The following RERE variants were observed in gnomAD, a reference collection of about 807,000 sequenced individuals.
RERE encodes the protein arginine-glutamic acid dipeptide repeats protein.
RERE carries 40 observed loss-of-function variants against 146.1 expected under a neutral mutation model. The ratio of observed to expected loss-of-function variants is 0.27; its 90% CI spans 0.21 to 0.36. The LOEUF (loss-of-function observed/expected upper bound fraction) is 0.36, where lower values mean the gene tolerates loss of function less well. Ranked by LOEUF, RERE falls within the 10% of genes least tolerant of loss-of-function variation. The pLI, the probability that RERE is intolerant of heterozygous loss-of-function variation, is 1.00. For missense variants in RERE, 1,933 were observed against 2,138.7 expected, an observed-to-expected ratio of 0.90 and a Z score of 1.90; for synonymous variants, 1,003 against 866.0, an observed-to-expected ratio of 1.16 and a Z score of -2.78.
intron 7 of RERE, among the ~76,000 whole-genome samples, chr1:8,537,782 A>G (rs369954383): frequency 6.6e-6 from 1 of 152,222 alleles, no homozygotes; most frequent in East Asian, 1.9e-4. Flanking sequence ...TATTAGTTCA[A>G]TAAGTGGTAA....
chr1:8,376,001 T>C (rs1642233577), intron 12 of RERE, among the ~76,000 whole-genome samples: 1 of 152,256 alleles, frequency 6.6e-6, no homozygotes, highest in Admixed American at 6.5e-5. Flanking sequence ...AAACCTTCAT[T>C]TTCCCTGCTT....
intron 1 of RERE, among the ~76,000 whole-genome samples, chr1:8,692,530 G>C (rs1033303782): frequency 6.6e-6 from 1 of 151,846 alleles, no homozygotes; most frequent in Non-Finnish European, 1.5e-5. Flanking sequence ...TGTATTTTTA[G>C]TAGAGACAGG....
chr1:8,361,620 C>A, intron 17 of RERE, 130 bp from the exon 18 acceptor site: 1 of 1,380,836 alleles, frequency 7.2e-7, no homozygotes, highest in South Asian at 1.2e-5. Flanking sequence ...GACCACAGGT[C>A]GTGCCCTGAC....
intron 4 of RERE, among the ~76,000 whole-genome samples, chr1:8,563,750 C>T (rs146210107): frequency 1.5e-3 from 225 of 152,278 alleles, no homozygotes; most frequent in African/African-American, 5.1e-3. Context: ...GCCAATATAG[C>T]CAACCAAGTT....
intron 1 of RERE, chr1:8,702,943 G>C (rs1230840055): frequency 6.6e-6 from 1 of 152,168 alleles, no homozygotes. Flanking sequence ...CATCTTTCTA[G>C]GGTCGGCTGG....
At chr1:8,357,491 C>T (rs922405509) in intron 20 of RERE, among the ~76,000 whole-genome samples, 1 of 152,192 alleles carries the variant, frequency 6.6e-6, no homozygotes, top group Non-Finnish European at 1.5e-5. Flanking sequence ...TGAGGAAGCC[C>T]TGCACGTAGG....
intron 2 of RERE, among the ~76,000 whole-genome samples, chr1:8,650,491 G>A (rs960732174): frequency 2.0e-5 from 3 of 152,146 alleles, no homozygotes; most frequent in East Asian, 1.9e-4. Flanking sequence ...ACTTGGAAGC[G>A]GTGGTTCACG....
chr1:8,620,114 G>C (rs1371786515), intron 3 of RERE, among the ~76,000 whole-genome samples: 2 of 152,316 alleles, frequency 1.3e-5, no homozygotes, highest in East Asian at 3.9e-4. Flanking sequence ...CTAAAAGTAA[G>C]TAAGTCACAT....
intron 2 of RERE, among the ~76,000 whole-genome samples, chr1:8,650,829 G>A (rs1043002412): frequency 6.0e-5 from 9 of 149,616 alleles, no homozygotes; most frequent in Non-Finnish European, 1.3e-4. Context: ...CCCAGGAGGC[G>A]GAGGTTGCAG....
intron 1 of RERE, among the ~76,000 whole-genome samples, chr1:8,714,642 T>A (rs1453664633): frequency 6.6e-6 from 1 of 152,134 alleles, no homozygotes; most frequent in Non-Finnish European, 1.5e-5. Context: ...GAAGTCTTCT[T>A]CCAACAACTC....
intron 1 of RERE, among the ~76,000 whole-genome samples, chr1:8,797,463 T>C (rs565686205): frequency 6.6e-6 from 1 of 152,246 alleles, no homozygotes; most frequent in African/African-American, 2.4e-5. Context: ...TTAGTCATCT[T>C]AGCGTAAACA....
intron 4 of RERE, among the ~76,000 whole-genome samples, chr1:8,589,500 C>T (rs1190450520): frequency 7.2e-5 from 11 of 152,134 alleles, no homozygotes; most frequent in South Asian, 4.1e-4. Flanking sequence ...AATCAGCTTG[C>T]TAAATTCCAA....
chr1:8,355,578 A>AGGT lies in RERE; in HGVS notation c.4505_4507dup (p.Asp1502_Leu1503insHis), dbSNP rs772313364. Reference sequence around the variant, plus strand: ...CATGGGGGGTGGGATGGCCCCAGGCAGGTCACGGGGGTAGGGGGTGCCTGC... The same window carrying AGGT: ...CATGGGGGGTGGGATGGCCCCAGGCAGGTGGTCACGGGGGTAGGGGGTGCCTGC... On this transcript the variant is annotated inframe_insertion, in exon 22 of 23. Transcript: ENST00000400908. The AGGT allele has an allele frequency of 7.6e-6, 12 of 1,589,014 alleles. No individual in the cohort carries two copies. The African/African-American group carries it at 1.5e-4, about 20-fold the overall frequency.
intron 11 of RERE, among the ~76,000 whole-genome samples, chr1:8,463,491 G>A (rs74049645): frequency 0.028 from 4,243 of 152,264 alleles, 173 homozygotes; most frequent in African/African-American, 0.096. Context: ...AAATCCTCAA[G>A]CAGCAGCAAT....
intron 4 of RERE, among the ~76,000 whole-genome samples, chr1:8,576,405 G>GT (rs1646295194): frequency 6.6e-6 from 1 of 152,318 alleles, no homozygotes; most frequent in Admixed American, 6.5e-5. Flanking sequence ...AAAGTTACAT[G>GT]TAACTGTAAG....
intron 1 of RERE, among the ~76,000 whole-genome samples, chr1:8,754,329 G>GTAA (rs1469637710): frequency 1.3e-5 from 2 of 151,902 alleles, no homozygotes; most frequent in Non-Finnish European, 1.5e-5. Flanking sequence ...ATTCATTACA[G>GTAA]TTACATTAGA....
intron 1 of RERE, among the ~76,000 whole-genome samples, chr1:8,802,379 T>G (rs555536009): frequency 4.7e-4 from 71 of 152,358 alleles, no homozygotes; most frequent in African/African-American, 1.7e-3. Flanking sequence ...AAAAGAGATC[T>G]TTTTTAAAAA....
chr1:8,465,030 T>C (rs978736127), intron 11 of RERE: 3 of 152,236 alleles, frequency 2.0e-5, no homozygotes, highest in African/African-American at 4.8e-5. Flanking sequence ...TTGCAATCAA[T>C]AGGTGTATTA....
At chr1:8,589,859 C>T (rs1174559722) in intron 4 of RERE, among the ~76,000 whole-genome samples, 1 of 152,222 alleles carries the variant, frequency 6.6e-6, no homozygotes, top group Non-Finnish European at 1.5e-5. Context: ...GTTCCGACCA[C>T]GAATCGAATT....
Sources: gnomAD v4.1 joint callset for allele counts (sites outside exome capture counted in the v4.1 genomes callset) on GRCh38, gnomAD v4.1.1 for gene constraint, MANE v1.5 for transcripts, NCBI Gene and HGNC (gene_info 2026-07-23, HGNC 2026-07-21) for gene names.